The following NSG1 variants were observed in gnomAD, a reference collection of about 807,000 sequenced individuals.
NSG1 encodes the protein neuronal vesicle trafficking associated 1.
NSG1 carries 9 observed loss-of-function variants against 19.3 expected under a neutral mutation model. The ratio of observed to expected loss-of-function variants is 0.47; its 90% CI spans 0.28 to 0.81. NSG1 has a LOEUF of 0.81. Ranked by LOEUF, NSG1 falls within the 40% of genes least tolerant of loss-of-function variation. NSG1 has a pLI of 0.11. For synonymous variants in NSG1, 104 were observed against 107.0 expected, an observed-to-expected ratio of 0.97 and a Z score of 0.17; for missense variants, 236 against 242.4, an observed-to-expected ratio of 0.97 and a Z score of 0.18.
intron 4 of NSG1, 118 bp downstream of exon 4, chr4:4,409,801 C>T (rs939029087): frequency 7.8e-6 from 6 of 772,834 alleles, no homozygotes; most frequent in Admixed American, 6.2e-5. Flanking sequence ...GGCCTTAGAG[C>T]AGCAGGGGGC....
At chr4:4,404,273 A>T (rs1723730950) in intron 3 of NSG1, among the ~76,000 whole-genome samples, 2 of 152,222 alleles carry the variant, frequency 1.3e-5, no homozygotes, top group Non-Finnish European at 2.9e-5. Flanking sequence ...GCTTCTGCCC[A>T]GCATGGAGCC....
chr4:4,410,555 A>G (rs1051863702), intron 4 of NSG1, among the ~76,000 whole-genome samples: 7 of 152,224 alleles, frequency 4.6e-5, no homozygotes, highest in African/African-American at 1.7e-4. Flanking sequence ...TGAACAATGT[A>G]GGCAGTTGTC....
At chr4:4,416,165 T>A in intron 4 of NSG1, 1 of 702,382 alleles carries the variant, frequency 1.4e-6, no homozygotes, top group Non-Finnish European at 2.6e-6. Flanking sequence ...GTGAGGGACC[T>A]GAGATTGAGA....
intron 4 of NSG1, among the ~76,000 whole-genome samples, chr4:4,413,614 G>A (rs377257261): frequency 1.2e-4 from 18 of 151,234 alleles, no homozygotes; most frequent in Non-Finnish European, 2.1e-4. Context: ...TGGTGGGGGT[G>A]TGCTGGTGGG....
intron 3 of NSG1, among the ~76,000 whole-genome samples, chr4:4,407,348 G>A (rs1723922209): frequency 6.6e-6 from 1 of 152,148 alleles, no homozygotes; most frequent in African/African-American, 2.4e-5. Flanking sequence ...GGACACAGAG[G>A]GGACAGGTCT....
chr4:4,397,285 A>T (rs1322491445), intron 3 of NSG1, among the ~76,000 whole-genome samples: 1 of 152,050 alleles, frequency 6.6e-6, no homozygotes, highest in Non-Finnish European at 1.5e-5. Context: ...GACCCAGTGC[A>T]TGCCTGGGCT....
At chr4:4,387,561 C>CGGGGGGGGGTGGG in intron 1 of NSG1, 43 bp from the exon 2 acceptor site, 12 of 1,141,978 alleles carry the variant, frequency 1.1e-5, no homozygotes, top group African/African-American at 1.6e-5. Flanking sequence ...CGCCCCGCCC[C>CGGGGGGGGGTGGG]GGGTCTTGCT....
chr4:4,390,866 T>G (rs751341206), intron 2 of NSG1, among the ~76,000 whole-genome samples: 7 of 150,206 alleles, frequency 4.7e-5, no homozygotes, highest in Admixed American at 4.0e-4. Context: ...AACATCGTTC[T>G]GCTTCACAGT....
rs556235717 is a variant in NSG1 at position 4,406,852 on chromosome 4, C to T, written c.247-2721C>T. On this transcript the variant is annotated intron_variant, in intron 3 of 4. Coordinates refer to ENST00000621129, the MANE Select transcript of NSG1 (RefSeq NM_014392.5). Reference sequence around the variant, plus strand: ...CAACCCCAGGCACCATCAGGGCTTGCGGCTATCATCGCCAGGCAGCCCTCC... The same window carrying T: ...CAACCCCAGGCACCATCAGGGCTTGTGGCTATCATCGCCAGGCAGCCCTCC... 1.0e-3 allele frequency among the ~76,000 whole-genome samples: 157 copies of T among 152,332 alleles called. No individual in the cohort carries two copies. In the Middle Eastern group the frequency reaches 0.031, roughly 30 times the overall value.
At chr4:4,396,128 A>G (rs1723236155) in intron 3 of NSG1, among the ~76,000 whole-genome samples, 1 of 152,256 alleles carries the variant, frequency 6.6e-6, no homozygotes, top group African/African-American at 2.4e-5. Context: ...GCATATTTAC[A>G]GTGAGAATAA....
rs138795649 is a variant in NSG1 at position 4,387,665 on chromosome 4, C to G, written c.36C>G (p.Gly12=). The change falls in exon 2 of 5, where the codon GGC becomes GGG. Residue 12 remains glycine (G), a synonymous_variant. Coordinates refer to ENST00000621129, the MANE Select transcript of NSG1 (RefSeq NM_014392.5). ...VKLGNNFAEK[G]TKQPLLEDGF... ...TGGGGAACAATTTCGCAGAGAAGGG[C>G]ACCAAGCAGCCGCTGCTGGAGGATG... The G allele has an allele frequency of 1.2e-6, 2 of 1,613,678 alleles. No individual in the cohort carries two copies. Among genetic ancestry groups the G allele is most frequent in the South Asian group, 2.2e-5 (2 of 91,076 alleles).
At chr4:4,390,138 G>A (rs1668948259) in intron 2 of NSG1, among the ~76,000 whole-genome samples, 1 of 152,298 alleles carries the variant, frequency 6.6e-6, no homozygotes, top group Non-Finnish European at 1.5e-5. Context: ...CTAGGCCTGC[G>A]TGCTCAAGGT....
intron 4 of NSG1, among the ~76,000 whole-genome samples, chr4:4,415,393 G>C (rs956484371): frequency 6.6e-6 from 1 of 152,174 alleles, no homozygotes; most frequent in Non-Finnish European, 1.5e-5. Context: ...AGGCCCAGCT[G>C]AGTCACGCTC....
At chr4:4,414,202 A>G (rs1007687230) in intron 4 of NSG1, among the ~76,000 whole-genome samples, 3 of 151,872 alleles carry the variant, frequency 2.0e-5, no homozygotes, top group Non-Finnish European at 2.9e-5. Flanking sequence ...GTCCCGCTGG[A>G]TACCTGGCCT....
intron 3 of NSG1, among the ~76,000 whole-genome samples, chr4:4,395,120 C>T (rs564283594): frequency 3.9e-5 from 6 of 152,324 alleles, no homozygotes; most frequent in Non-Finnish European, 5.9e-5. Context: ...GTGCCTGCTC[C>T]GAGCCCCTTC....
intron 4 of NSG1, among the ~76,000 whole-genome samples, chr4:4,416,828 G>T (rs1159448106): frequency 6.6e-6 from 1 of 152,190 alleles, no homozygotes; most frequent in Non-Finnish European, 1.5e-5. Context: ...GCTAAGGTCT[G>T]CTGAGAACCT....
rs775662206 is a variant in NSG1 at position 4,417,479 on chromosome 4, A to G, written c.*44A>G. ...TACAATGTGTCACTTGCAAATAACA[A>G]AGGGACTTTGAGGGACATTTCATTA... is the stretch of plus-strand genomic sequence containing the variant. On this transcript the variant is annotated 3_prime_UTR_variant, in exon 5 of 5. Coordinates refer to ENST00000621129, the MANE Select transcript of NSG1 (RefSeq NM_014392.5). 1 of 1,563,080 alleles carries G rather than the reference A, an allele frequency of 6.4e-7. No individual in the cohort carries two copies. The highest frequency in any genetic ancestry group is 2.2e-5 in the East Asian group (1 of 44,576).
chr4:4,417,815 A>G lies in NSG1; in HGVS notation c.*380A>G, dbSNP rs188828390. On this transcript the variant is annotated 3_prime_UTR_variant, in exon 5 of 5. Coordinates refer to ENST00000621129, the MANE Select transcript of NSG1 (RefSeq NM_014392.5). ...CCCTGCTGTCTGCAAACCTTCCTCCATAGCCATATCTAGAGTGATCTCTCG... is the reference window on the plus strand; with the variant it reads ...CCCTGCTGTCTGCAAACCTTCCTCCGTAGCCATATCTAGAGTGATCTCTCG... 21 of 330,968 alleles carry G rather than the reference A, an allele frequency of 6.3e-5. No individual in the cohort carries two copies. The highest frequency in any genetic ancestry group is 3.7e-4 in the African/African-American group (17 of 46,214). 20.5% of individuals were successfully genotyped at this position (330,968 alleles called of 1,614,324 possible).
At chr4:4,413,276 T>C (rs939867812) in intron 4 of NSG1, among the ~76,000 whole-genome samples, 1 of 151,280 alleles carries the variant, frequency 6.6e-6, no homozygotes, top group East Asian at 2.0e-4. Flanking sequence ...ATGTGGGCGG[T>C]AGTTTCTAGA....
Sources: allele counts gnomAD v4.1 joint callset (sites outside exome capture counted in the v4.1 genomes callset), GRCh38; gene constraint gnomAD v4.1.1; transcripts MANE v1.5; gene names NCBI Gene and HGNC (gene_info 2026-07-23, HGNC 2026-07-21).